The following NKAIN2 variants were observed in gnomAD, a reference collection of about 807,000 sequenced individuals.
The protein encoded by NKAIN2 is sodium/potassium transporting ATPase interacting 2.
In NKAIN2, 14 loss-of-function variants were observed where a neutral mutation model predicts 32.6. That is an observed-to-expected ratio of 0.43 (90% confidence interval 0.28 to 0.67). NKAIN2 has a LOEUF of 0.67. NKAIN2 is among the 30% of genes least tolerant of loss of function. NKAIN2 has a pLI of 0.17. For synonymous variants in NKAIN2, 80 were observed against 87.2 expected (o/e 0.92, Z 0.46); for missense variants, 198 against 258.3 (o/e 0.77, Z 1.60).
At chr6:124,195,005 TTTTTTAG>T (rs1790246975) in intron 1 of NKAIN2, among the ~76,000 whole-genome samples, 2 of 151,762 alleles carry the variant, frequency 1.3e-5, no homozygotes, top group South Asian at 2.1e-4. Flanking sequence ...GCTTTTTTTT[TTTTTTAG>T]TTTTAAAGTA....
At chr6:123,924,905 A>G (rs1775934770) in intron 1 of NKAIN2, among the ~76,000 whole-genome samples, 5 of 152,132 alleles carry the variant, frequency 3.3e-5, no homozygotes. Flanking sequence ...TTATATATAC[A>G]TATAAAATAT....
chr6:124,362,618 C>T (rs1008052017), intron 3 of NKAIN2, among the ~76,000 whole-genome samples: 43 of 152,082 alleles, frequency 2.8e-4, no homozygotes, highest in African/African-American at 1.0e-3. Context: ...TTTATGTCTT[C>T]AGTCTTGACC....
At chr6:124,134,659 G>A (rs959640855) in intron 1 of NKAIN2, among the ~76,000 whole-genome samples, 3 of 152,086 alleles carry the variant, frequency 2.0e-5, no homozygotes, top group African/African-American at 7.2e-5. Context: ...ACTCCAGCCT[G>A]GGCAACAGAG....
chr6:124,728,099 AT>A (rs1484595301), intron 4 of NKAIN2, among the ~76,000 whole-genome samples: 2 of 148,954 alleles, frequency 1.3e-5, no homozygotes, highest in African/African-American at 2.5e-5. Context: ...ACTCCCACAC[AT>A]TAATAATGGG....
At chr6:124,188,163 C>T (rs557878706) in intron 1 of NKAIN2, among the ~76,000 whole-genome samples, 1 of 152,268 alleles carries the variant, frequency 6.6e-6, no homozygotes, top group Non-Finnish European at 1.5e-5. Flanking sequence ...TGATTCTACA[C>T]TTTGCCTGAA....
intron 1 of NKAIN2, among the ~76,000 whole-genome samples, chr6:123,975,725 C>A (rs1778535959): frequency 6.6e-6 from 1 of 152,064 alleles, no homozygotes; most frequent in Non-Finnish European, 1.5e-5. Context: ...TCTCTTAGCC[C>A]TTTATAAAGG....
chr6:123,957,724 A>C (rs1276387759), intron 1 of NKAIN2, among the ~76,000 whole-genome samples: 1 of 152,226 alleles, frequency 6.6e-6, no homozygotes, highest in Non-Finnish European at 1.5e-5. Flanking sequence ...ATTTATTCCT[A>C]GAAGAGGTGT....
intron 3 of NKAIN2, among the ~76,000 whole-genome samples, chr6:124,466,753 A>G (rs1042051729): frequency 4.2e-5 from 6 of 141,404 alleles, no homozygotes; most frequent in African/African-American, 1.3e-4. Context: ...AAAAAAAGAA[A>G]AAAAAAAAAA....
At position 123,960,604 on chromosome 6, in the gene NKAIN2, C is replaced by T. The variant is rs1274804576; in HGVS notation, c.54+156350C>T. Among the ~76,000 whole-genome samples, 3 of 151,874 alleles carry T rather than the reference C, an allele frequency of 2.0e-5. No homozygotes were observed. In the South Asian group the frequency reaches 6.2e-4, roughly 32 times the overall value. On this transcript the variant is annotated intron_variant, in intron 1 of 6. Transcript: ENST00000368417. ...TCCTAAGATGGCCTTTTCAATAGCT[C>T]TTCACCTCCCCACTCCCATCTCTTC... is the stretch of plus-strand genomic sequence containing the variant.
chr6:123,975,781 T>A (rs1582870215), intron 1 of NKAIN2, among the ~76,000 whole-genome samples: 2 of 151,790 alleles, frequency 1.3e-5, no homozygotes, highest in South Asian at 4.2e-4. Context: ...CATAATAACC[T>A]CCCAAAGGCC....
At chr6:124,800,841 G>A (rs1780224706) in intron 5 of NKAIN2, among the ~76,000 whole-genome samples, 1 of 152,104 alleles carries the variant, frequency 6.6e-6, no homozygotes, top group Non-Finnish European at 1.5e-5. Context: ...GCATTTGCTT[G>A]TTTGTTTGTT....
intron 1 of NKAIN2, among the ~76,000 whole-genome samples, chr6:124,123,887 T>TGA (rs146158546): frequency 0.01 from 1,542 of 151,802 alleles, 32 homozygotes; most frequent in African/African-American, 0.035. Flanking sequence ...TAAGAGACAT[T>TGA]GAGAGAGAGA....
chr6:124,574,006 T>C (rs1196884414), intron 3 of NKAIN2, among the ~76,000 whole-genome samples: 3 of 152,128 alleles, frequency 2.0e-5, no homozygotes, highest in Non-Finnish European at 4.4e-5. Flanking sequence ...TTCCTTCTGC[T>C]TGGATAAAAA....
At chr6:124,545,376 A>G (rs1054462746) in intron 3 of NKAIN2, among the ~76,000 whole-genome samples, 2 of 152,166 alleles carry the variant, frequency 1.3e-5, no homozygotes, top group Non-Finnish European at 2.9e-5. Context: ...TTGCCCATAA[A>G]GACAAGCCAT....
At chr6:124,082,887 T>A (rs921121043) in intron 1 of NKAIN2, among the ~76,000 whole-genome samples, 1 of 152,042 alleles carries the variant, frequency 6.6e-6, no homozygotes, top group Non-Finnish European at 1.5e-5. Flanking sequence ...TAACAAGCAG[T>A]GTAGTAGGTA....
In NKAIN2 at chr6:124,255,611, C is replaced by T. The variant is rs141803216; in HGVS notation, c.55-27394C>T. On this transcript the variant is annotated intron_variant, in intron 1 of 6. Transcript: ENST00000368417. ...TTCCATTTTGTACATTTTTTACAAA[C>T]GGAAAATAAGAGAAAGGGAGGCTCA... Among the ~76,000 whole-genome samples, 14 of 152,208 alleles carry T rather than the reference C, an allele frequency of 9.2e-5. No individual in the cohort carries two copies. The East Asian group carries it at 2.7e-3, about 29-fold the overall frequency.
chr6:124,235,990 A>G (rs1792737877), intron 1 of NKAIN2, among the ~76,000 whole-genome samples: 1 of 152,088 alleles, frequency 6.6e-6, no homozygotes, highest in Non-Finnish European at 1.5e-5. Flanking sequence ...AAAAACCATA[A>G]CAGAGGCAGA....
intron 3 of NKAIN2, among the ~76,000 whole-genome samples, chr6:124,458,201 A>G (rs1406787518): frequency 6.6e-6 from 1 of 152,012 alleles, no homozygotes; most frequent in African/African-American, 2.4e-5. Context: ...TTATTAAAAA[A>G]GCAAATAAGC....
chr6:123,925,216 AAAG>A (rs1190375590), intron 1 of NKAIN2, among the ~76,000 whole-genome samples: 2 of 152,186 alleles, frequency 1.3e-5, no homozygotes, highest in Non-Finnish European at 2.9e-5. Context: ...CCTGCAGTAA[AAAG>A]AAGTAAAATA....
Sources: allele counts gnomAD v4.1 joint callset (sites outside exome capture counted in the v4.1 genomes callset), GRCh38; gene constraint gnomAD v4.1.1; transcripts MANE v1.5; gene names NCBI Gene and HGNC (gene_info 2026-07-23, HGNC 2026-07-21).